SUCLG2: variants seen among roughly 807,000 people sequenced by gnomAD.
SUCLG2 encodes the protein succinate-CoA ligase GDP-forming subunit beta, also known as succinate--CoA ligase [GDP-forming] subunit beta, mitochondrial.
In SUCLG2, 42 loss-of-function variants were observed where a neutral mutation model predicts 47.9. The observed-to-expected ratio is 0.88, with a 90% confidence interval of 0.69 to 1.14. The LOEUF is 1.14. Ranked by LOEUF, SUCLG2 falls within the 50% of genes most tolerant of loss-of-function variation. SUCLG2 has a pLI of 0.00. For missense variants in SUCLG2, 571 were observed against 525.9 expected, an observed-to-expected ratio of 1.09 and a Z score of -0.84; for synonymous variants, 195 against 197.3, an observed-to-expected ratio of 0.99 and a Z score of 0.10.
intron 9 of SUCLG2, among the ~76,000 whole-genome samples, chr3:67,408,365 C>T (rs184809978): frequency 1.4e-4 from 21 of 152,286 alleles, no homozygotes; most frequent in African/African-American, 3.8e-4. Context: ...AGTGAGTCCA[C>T]GATCCTGCCT....
At chr3:67,449,437 A>G (rs999088930) in intron 9 of SUCLG2, among the ~76,000 whole-genome samples, 2 of 152,188 alleles carry the variant, frequency 1.3e-5, no homozygotes, top group African/African-American at 4.8e-5. Flanking sequence ...AGTCATACAA[A>G]GAGCAGAGGG....
chr3:67,503,610 C>G (rs1705559530), intron 7 of SUCLG2, among the ~76,000 whole-genome samples: 1 of 152,176 alleles, frequency 6.6e-6, no homozygotes, highest in Admixed American at 6.5e-5. Flanking sequence ...TTAAGATTGT[C>G]AACGTCACAT....
intron 9 of SUCLG2, among the ~76,000 whole-genome samples, chr3:67,485,410 T>A (rs1705025271): frequency 6.6e-6 from 1 of 152,226 alleles, no homozygotes; most frequent in African/African-American, 2.4e-5. Context: ...GACTGTATAA[T>A]TCCCTGCTTT....
intron 10 of SUCLG2, among the ~76,000 whole-genome samples, chr3:67,395,429 C>T (rs1702501054): frequency 6.6e-6 from 1 of 152,088 alleles, no homozygotes; most frequent in Non-Finnish European, 1.5e-5. Context: ...ACAAAGAAGG[C>T]CATTACATAA....
At chr3:67,404,517 C>T (rs1204909166) in intron 9 of SUCLG2, among the ~76,000 whole-genome samples, 1 of 152,068 alleles carries the variant, frequency 6.6e-6, no homozygotes, top group African/African-American at 2.4e-5. Context: ...AGAAGAGCAA[C>T]AGGACATAGA....
chr3:67,383,829 T>C (rs1702208958), intron 10 of SUCLG2, among the ~76,000 whole-genome samples: 1 of 152,170 alleles, frequency 6.6e-6, no homozygotes, highest in Admixed American at 6.5e-5. Context: ...ATGAACCCTC[T>C]GGCAAGCAAG....
At chr3:67,539,435 T>C (rs974821824) in intron 2 of SUCLG2, among the ~76,000 whole-genome samples, 1 of 152,196 alleles carries the variant, frequency 6.6e-6, no homozygotes, top group Non-Finnish European at 1.5e-5. Context: ...GATAAGCTTT[T>C]TGTTGTGCTG....
At chr3:67,642,390 A>C (rs1414730840) in intron 1 of SUCLG2, among the ~76,000 whole-genome samples, 1 of 152,096 alleles carries the variant, frequency 6.6e-6, no homozygotes, top group Non-Finnish European at 1.5e-5. Context: ...GGATCACTTG[A>C]GGCCACAAGT....
intron 1 of SUCLG2, among the ~76,000 whole-genome samples, chr3:67,639,856 G>A (rs6787642): frequency 0.4 from 61,437 of 151,914 alleles, 13,368 homozygotes; most frequent in African/African-American, 0.56. Flanking sequence ...GAAAAGTCTT[G>A]GGGTTACTAT....
intron 10 of SUCLG2, among the ~76,000 whole-genome samples, chr3:67,393,431 T>C (rs1440632383): frequency 1.3e-5 from 2 of 152,094 alleles, no homozygotes; most frequent in Non-Finnish European, 2.9e-5. Context: ...AGCACAGCAG[T>C]CTGAGATCAA....
At chr3:67,523,089 A>G (rs1489121143) in intron 4 of SUCLG2, among the ~76,000 whole-genome samples, 1 of 152,142 alleles carries the variant, frequency 6.6e-6, no homozygotes, top group Non-Finnish European at 1.5e-5. Flanking sequence ...ACCCGGCCAC[A>G]TTGCTTTTTT....
chr3:67,552,894 T>C (rs1425725186), intron 2 of SUCLG2, among the ~76,000 whole-genome samples: 2 of 152,220 alleles, frequency 1.3e-5, no homozygotes, highest in African/African-American at 4.8e-5. Flanking sequence ...ATCATCTTTC[T>C]TTAAAAAATG....
intron 1 of SUCLG2, among the ~76,000 whole-genome samples, chr3:67,642,918 C>CTGTGTGTGTGTG (rs3221813): frequency 2.5e-4 from 37 of 146,618 alleles, no homozygotes; most frequent in African/African-American, 8.5e-4. Flanking sequence ...GAAAAGGACT[C>CTGTGTGTGTGTG]TGTGTGTGTG....
intron 9 of SUCLG2, among the ~76,000 whole-genome samples, chr3:67,438,843 T>C (rs915501496): frequency 9.9e-5 from 15 of 152,140 alleles, no homozygotes; most frequent in African/African-American, 1.2e-4. Flanking sequence ...TCTGAAACTA[T>C]TGCAAACAAT....
chr3:67,613,262 C>A (rs892852584), intron 1 of SUCLG2, among the ~76,000 whole-genome samples: 8 of 152,148 alleles, frequency 5.3e-5, no homozygotes, highest in Non-Finnish European at 8.8e-5. Context: ...CAGTCACAAT[C>A]CTGAAGCTAC....
intron 1 of SUCLG2, among the ~76,000 whole-genome samples, chr3:67,644,393 T>C (rs571932906): frequency 5.3e-4 from 81 of 152,286 alleles, no homozygotes; most frequent in African/African-American, 1.8e-3. Flanking sequence ...AGAATAGCTA[T>C]AGTATGAATC....
At chr3:67,392,413 T>G (rs1702409124) in intron 10 of SUCLG2, among the ~76,000 whole-genome samples, 1 of 152,192 alleles carries the variant, frequency 6.6e-6, no homozygotes, top group Non-Finnish European at 1.5e-5. Context: ...TGCTTAAACT[T>G]TACCACACGT....
At chr3:67,610,719 T>G (rs1219210899) in intron 1 of SUCLG2, among the ~76,000 whole-genome samples, 2 of 152,178 alleles carry the variant, frequency 1.3e-5, no homozygotes, top group African/African-American at 4.8e-5. Flanking sequence ...GTCCACGGCT[T>G]TGGTGGATGT....
intron 9 of SUCLG2, among the ~76,000 whole-genome samples, chr3:67,429,164 T>G (rs1026891197): frequency 6.6e-6 from 1 of 151,972 alleles, no homozygotes; most frequent in African/African-American, 2.4e-5. Context: ...TTCACCAAAG[T>G]TGAAATGAAG....
Sources: gnomAD v4.1 joint callset for allele counts (sites outside exome capture counted in the v4.1 genomes callset) on GRCh38, gnomAD v4.1.1 for gene constraint, MANE v1.5 for transcripts, NCBI Gene and HGNC (gene_info 2026-07-23, HGNC 2026-07-21) for gene names.